The following SBF2 variants were observed in gnomAD, a reference collection of about 807,000 sequenced individuals.
SBF2 encodes the protein myotubularin-related protein 13.
A neutral mutation model predicts 225.2 loss-of-function variants in SBF2; 112 were observed. The observed-to-expected ratio is 0.50, with a 90% CI of 0.43 to 0.58. The LOEUF (loss-of-function observed/expected upper bound fraction) is 0.58, where lower values mean the gene tolerates loss of function less well. Among genes scored for constraint, SBF2 ranks in the 20% least tolerant of loss-of-function variants. The pLI, the probability that SBF2 is intolerant of heterozygous loss-of-function variation, is 0.00. For missense variants in SBF2, 1,996 were observed against 2,206.2 expected (o/e 0.90, Z 1.91); for synonymous variants, 763 against 773.3 (o/e 0.99, Z 0.22).
chr11:9,935,656 A>T (rs1460997890), intron 16 of SBF2, among the ~76,000 whole-genome samples: 2 of 152,194 alleles, frequency 1.3e-5, no homozygotes, highest in African/African-American at 4.8e-5. Flanking sequence ...ATCACCACAC[A>T]TCTACAACCA....
chr11:10,027,284 T>C (rs1949087500), intron 6 of SBF2, among the ~76,000 whole-genome samples: 1 of 152,212 alleles, frequency 6.6e-6, no homozygotes, highest in African/African-American at 2.4e-5. Flanking sequence ...AAAGAATTAC[T>C]TTGAAATTGA....
intron 2 of SBF2, among the ~76,000 whole-genome samples, chr11:10,064,642 T>C (rs2134772715): frequency 6.6e-6 from 1 of 152,292 alleles, no homozygotes; most frequent in African/African-American, 2.4e-5. Flanking sequence ...AGTGGCTACA[T>C]TAATATCAAC....
intron 1 of SBF2, among the ~76,000 whole-genome samples, chr11:10,299,408 T>G (rs1052677260): frequency 6.6e-6 from 1 of 150,650 alleles, no homozygotes; most frequent in South Asian, 2.1e-4. Context: ...AATGGTTGAA[T>G]CTTAACATTC....
intron 2 of SBF2, among the ~76,000 whole-genome samples, chr11:10,167,330 G>A (rs947405894): frequency 5.9e-5 from 9 of 152,086 alleles, no homozygotes; most frequent in Admixed American, 1.3e-4. Context: ...CAGGCCAGGC[G>A]TGGTGGCTCA....
At chr11:10,072,545 T>G (rs1279491143) in intron 2 of SBF2, among the ~76,000 whole-genome samples, 1 of 152,124 alleles carries the variant, frequency 6.6e-6, no homozygotes, top group Non-Finnish European at 1.5e-5. Flanking sequence ...TAAAAGTACT[T>G]AAATAGAGGA....
At chr11:9,965,732 A>G (rs753551645) in intron 14 of SBF2, among the ~76,000 whole-genome samples, 8 of 152,250 alleles carry the variant, frequency 5.3e-5, no homozygotes, top group Non-Finnish European at 1.2e-4. Context: ...AACAACTGGC[A>G]TAATACAATG....
chr11:10,090,845 C>T (rs1411345126), intron 2 of SBF2, among the ~76,000 whole-genome samples: 2 of 150,140 alleles, frequency 1.3e-5, no homozygotes, highest in Non-Finnish European at 3.0e-5. Flanking sequence ...TCCTAAGTTC[C>T]AAGCATGAGG....
intron 6 of SBF2, among the ~76,000 whole-genome samples, chr11:10,022,577 C>G (rs1948901164): frequency 6.6e-6 from 1 of 152,054 alleles, no homozygotes; most frequent in Non-Finnish European, 1.5e-5. Flanking sequence ...GTAAAAGCCC[C>G]TGGAAGCCCC....
chr11:10,001,748 G>T (rs746305611), intron 7 of SBF2, among the ~76,000 whole-genome samples: 4 of 151,926 alleles, frequency 2.6e-5, no homozygotes, highest in Non-Finnish European at 5.9e-5. Context: ...GGATGGTATG[G>T]ATCTCTTGAC....
intron 2 of SBF2, among the ~76,000 whole-genome samples, chr11:10,134,273 C>T (rs773367125): frequency 4.8e-4 from 73 of 152,194 alleles, no homozygotes; most frequent in Non-Finnish European, 1.0e-3. Flanking sequence ...TTACCTCCCA[C>T]TGGGTCCCTC....
intron 2 of SBF2, among the ~76,000 whole-genome samples, chr11:10,051,830 G>A (rs923321639): frequency 6.6e-6 from 1 of 151,992 alleles, no homozygotes; most frequent in African/African-American, 2.4e-5. Context: ...ATAAGATTAA[G>A]CAATAATAGA....
At chr11:9,897,785 C>T (rs77881038) in intron 16 of SBF2, among the ~76,000 whole-genome samples, 1 of 152,150 alleles carries the variant, frequency 6.6e-6, no homozygotes, top group African/African-American at 2.4e-5. Context: ...GCAATTCCTC[C>T]ACTTTCCAGA....
intron 5 of SBF2, 49 bp from the exon 6 acceptor site, chr11:10,028,606 T>C: frequency 8.0e-7 from 1 of 1,248,666 alleles, no homozygotes; most frequent in East Asian, 2.3e-5. Flanking sequence ...TTTCAGCCAT[T>C]TTTTAAAAAA....
At chr11:10,009,267 T>C (rs1415236260) in intron 6 of SBF2, among the ~76,000 whole-genome samples, 1 of 152,236 alleles carries the variant, frequency 6.6e-6, no homozygotes, top group East Asian at 1.9e-4. Flanking sequence ...TATATATTTT[T>C]ATTTATTATA....
chr11:10,295,776 A>G (rs1267714284), upstream of SBF2, among the ~76,000 whole-genome samples: 1 of 152,110 alleles, frequency 6.6e-6, no homozygotes, highest in Non-Finnish European at 1.5e-5. Context: ...GTCTTACTGT[A>G]ACTTCCCCTG....
At chr11:9,994,453 C>A (rs180769226) in intron 9 of SBF2, among the ~76,000 whole-genome samples, 1 of 145,212 alleles carries the variant, frequency 6.9e-6, no homozygotes, top group Non-Finnish European at 1.5e-5. Flanking sequence ...CCAGCCTGGG[C>A]GACAGAGCGA....
chr11:10,197,654 T>G (rs946242474), intron 1 of SBF2, among the ~76,000 whole-genome samples: 3 of 152,318 alleles, frequency 2.0e-5, no homozygotes, highest in East Asian at 1.9e-4. Flanking sequence ...CACAAAAAAT[T>G]TATCCATAGC....
intron 1 of SBF2, among the ~76,000 whole-genome samples, chr11:10,234,687 T>C (rs1958991515): frequency 6.6e-6 from 1 of 152,222 alleles, no homozygotes; most frequent in African/African-American, 2.4e-5. Flanking sequence ...ATTATTCGGA[T>C]TTAAATTCTC....
intron 1 of SBF2, among the ~76,000 whole-genome samples, chr11:10,203,902 T>C (rs1267037407): frequency 6.6e-5 from 10 of 151,914 alleles, no homozygotes; most frequent in Admixed American, 6.6e-4. Flanking sequence ...CTAATATGCA[T>C]GTAACAGGAG....
Sources: gnomAD v4.1 joint callset for allele counts (sites outside exome capture counted in the v4.1 genomes callset) on GRCh38, gnomAD v4.1.1 for gene constraint, MANE v1.5 for transcripts, NCBI Gene and HGNC (gene_info 2026-07-23, HGNC 2026-07-21) for gene names.